Variants in PRKD3 observed in about 807,000 individuals in gnomAD.
PRKD3 encodes the protein serine/threonine-protein kinase D3.
A neutral mutation model predicts 99.2 loss-of-function variants in PRKD3; 47 were observed. The observed-to-expected ratio is 0.47, with a 90% CI of 0.38 to 0.60. The LOEUF (loss-of-function observed/expected upper bound fraction) is 0.60, where lower values mean the gene tolerates loss of function less well. Among genes scored for constraint, PRKD3 ranks in the 20% least tolerant of loss-of-function variants. The pLI is 0.00. For missense variants in PRKD3, 1,019 were observed against 1,088.4 expected (o/e 0.94, Z 0.90); for synonymous variants, 392 against 355.4 (o/e 1.10, Z -1.16).
intron 16 of PRKD3, among the ~76,000 whole-genome samples, chr2:37,259,283 C>A (rs942168953): frequency 6.6e-6 from 1 of 152,178 alleles, no homozygotes; most frequent in African/African-American, 2.4e-5. Flanking sequence ...GGTATTTATC[C>A]TAAGTACCAT....
In PRKD3 at chr2:37,316,581, AG is replaced by A; in HGVS notation, c.-58del. The A allele has an allele frequency of 6.5e-7, 1 of 1,543,794 alleles. No individual in the cohort carries two copies. The highest frequency in any genetic ancestry group is 1.8e-4 in the Middle Eastern group (1 of 5,580). On this transcript the variant is annotated 5_prime_UTR_variant, in exon 2 of 19. It removes the in-frame stop codon of an upstream open reading frame in the 5' UTR. Transcript: ENST00000234179. Reference sequence around the variant, plus strand: ...CGATTCTTTTTCAATGGTTATGAAGAGGTTTTTAAAATAACAGCAGTAAAGA... The same window carrying A: ...CGATTCTTTTTCAATGGTTATGAAGAGTTTTTAAAATAACAGCAGTAAAGA...
chr2:37,260,082 T>G (rs1668297066), intron 15 of PRKD3, 141 bp downstream of exon 15: 1 of 730,208 alleles, frequency 1.4e-6, no homozygotes, highest in Non-Finnish European at 2.2e-6. Flanking sequence ...TGAGAATCAC[T>G]TGAATCCAGG....
At chr2:37,310,375 T>TAC (rs1213336864) in intron 2 of PRKD3, among the ~76,000 whole-genome samples, 1 of 152,234 alleles carries the variant, frequency 6.6e-6, no homozygotes, top group Non-Finnish European at 1.5e-5. Context: ...TCATTTAATA[T>TAC]ACACACACAA....
chr2:37,322,473 G>A lies in PRKD3; in HGVS notation c.-656+2208C>T, dbSNP rs1212940487. Among the ~76,000 whole-genome samples the A allele has an allele frequency of 2.0e-5, 3 of 152,210 alleles. 1 individual carries two copies. Among genetic ancestry groups the A allele is most frequent in the Admixed American group, 2.0e-4 (3 of 15,284 alleles). On this transcript the variant is annotated intron_variant, in intron 1 of 18. Coordinates refer to ENST00000234179, the MANE Select transcript of PRKD3 (RefSeq NM_005813.6). ...TCCACTGTCAGAGAGTACTGAGAGAGCACACCATATCTGCTCTGCTCAGGA... is the reference window on the plus strand; with the variant it reads ...TCCACTGTCAGAGAGTACTGAGAGAACACACCATATCTGCTCTGCTCAGGA...
At chr2:37,262,521 A>G (rs1668542434) in intron 14 of PRKD3, among the ~76,000 whole-genome samples, 1 of 152,250 alleles carries the variant, frequency 6.6e-6, no homozygotes, top group Non-Finnish European at 1.5e-5. Context: ...ATACAAAATG[A>G]CAACATTTTA....
chr2:37,266,238 GTTTCTT>G (rs1668829422), intron 14 of PRKD3, among the ~76,000 whole-genome samples: 1 of 152,182 alleles, frequency 6.6e-6, no homozygotes, highest in Non-Finnish European at 1.5e-5. Flanking sequence ...AATCATTTAA[GTTTCTT>G]ACCTTCTTCA....
intron 3 of PRKD3, among the ~76,000 whole-genome samples, chr2:37,291,942 T>C (rs766077586): frequency 1.3e-5 from 2 of 152,148 alleles, no homozygotes; most frequent in Non-Finnish European, 2.9e-5. Context: ...TCACTCCTTA[T>C]TATCTTGCCC....
In PRKD3 at chr2:37,251,275, G is replaced by C. The variant is rs950251187; in HGVS notation, c.*1902C>G. ...AAGGACAAATTACCAAGAGGGGAAT[G>C]TTTCCTGGAGGTATTTATGGGTAGA... On this transcript the variant is annotated 3_prime_UTR_variant, in exon 19 of 19. Coordinates refer to ENST00000234179, the MANE Select transcript of PRKD3 (RefSeq NM_005813.6). The C allele has an allele frequency of 5.2e-5, 8 of 152,536 alleles. No individual in the cohort carries two copies. Among genetic ancestry groups the C allele is most frequent in the Admixed American group, 2.0e-4 (3 of 15,262 alleles). 9.4% of individuals were successfully genotyped at this position (152,536 alleles called of 1,614,324 possible).
intron 4 of PRKD3, 34 bp from the exon 5 acceptor site, chr2:37,289,547 TA>T (rs772576601): frequency 2.6e-5 from 39 of 1,512,426 alleles, no homozygotes; most frequent in South Asian, 5.0e-5. Flanking sequence ...ATATAAGATT[TA>T]AAAAAAAATT....
At chr2:37,268,800 T>G (rs1405477249) in intron 13 of PRKD3, 1 of 154,416 alleles carries the variant, frequency 6.5e-6, no homozygotes. Context: ...GATCTGAGGC[T>G]AGAGAAGCAG....
At chr2:37,302,142 T>A (rs1670957252) in intron 2 of PRKD3, among the ~76,000 whole-genome samples, 1 of 152,178 alleles carries the variant, frequency 6.6e-6, no homozygotes. Flanking sequence ...GCCTACCTCA[T>A]CCTTGATTAA....
chr2:37,266,879 T>G (rs536135842), intron 14 of PRKD3, among the ~76,000 whole-genome samples: 28 of 152,280 alleles, frequency 1.8e-4, no homozygotes. Flanking sequence ...TATATGATAT[T>G]CAGAAAGTGA....
At chr2:37,272,467 G>T in intron 11 of PRKD3, 35 bp from the exon 12 acceptor site, 2 of 1,575,676 alleles carry the variant, frequency 1.3e-6, no homozygotes, top group South Asian at 2.4e-5. Flanking sequence ...TTTAGTATAT[G>T]ACAATATTAT....
At chr2:37,260,198 TAAAA>T (rs199676568) in intron 15 of PRKD3, 21 bp downstream of exon 15, 1 of 1,185,906 alleles carries the variant, frequency 8.4e-7, no homozygotes, top group Non-Finnish European at 1.2e-6. Flanking sequence ...ATCGCTAGTT[TAAAA>T]AAAAAAAGGA....
intron 2 of PRKD3, among the ~76,000 whole-genome samples, chr2:37,315,552 A>T (rs1671621291): frequency 6.6e-6 from 1 of 152,184 alleles, no homozygotes. Flanking sequence ...CAAGGTATGG[A>T]GATGGGACTC....
intron 5 of PRKD3, among the ~76,000 whole-genome samples, chr2:37,287,277 A>AAAGAAAAAGAAG (rs1558556378): frequency 1.6e-4 from 23 of 146,918 alleles, no homozygotes; most frequent in African/African-American, 5.9e-4. Context: ...AGAAAAAGAA[A>AAAGAAAAAGAAG]AAGAAAAAGA....
chr2:37,272,284 T>C (rs371527177), intron 12 of PRKD3, 96 bp downstream of exon 12: 3 of 1,537,586 alleles, frequency 2.0e-6, no homozygotes, highest in Non-Finnish European at 1.7e-6. Flanking sequence ...GCCTAGTACT[T>C]TGGGCGATGA....
chr2:37,255,515 C>G (rs917512155), intron 17 of PRKD3, among the ~76,000 whole-genome samples: 2 of 152,100 alleles, frequency 1.3e-5, no homozygotes, highest in Non-Finnish European at 2.9e-5. Context: ...ATTCAAAAGC[C>G]TTCACTAGGC....
At chr2:37,306,652 T>TA (rs1370112454) in intron 2 of PRKD3, among the ~76,000 whole-genome samples, 1 of 151,598 alleles carries the variant, frequency 6.6e-6, no homozygotes, top group Non-Finnish European at 1.5e-5. Flanking sequence ...GTACAAAAAA[T>TA]AAAAAAATTA....
Sources: gnomAD v4.1 joint callset for allele counts (sites outside exome capture counted in the v4.1 genomes callset) on GRCh38, gnomAD v4.1.1 for gene constraint, MANE v1.5 for transcripts, NCBI Gene and HGNC (gene_info 2026-07-23, HGNC 2026-07-21) for gene names.